The following PEX2 variants were observed in gnomAD, a reference collection of about 807,000 sequenced individuals.
PEX2 encodes peroxisomal biogenesis factor 2.
Under a neutral mutation model 25.2 loss-of-function variants are expected in PEX2, and 19 were observed. The ratio of observed to expected loss-of-function variants is 0.75; its 90% CI spans 0.53 to 1.10. The LOEUF is 1.10. Ranked by LOEUF, PEX2 falls within the 50% of genes least tolerant of loss-of-function variation. The pLI is 0.00. For missense variants in PEX2, 347 were observed against 350.6 expected, an observed-to-expected ratio of 0.99 and a Z score of 0.08; for synonymous variants, 141 against 127.7, an observed-to-expected ratio of 1.10 and a Z score of -0.70.
At chr8:76,993,229 A>C (rs1037976458) in intron 1 of PEX2, among the ~76,000 whole-genome samples, 1 of 152,210 alleles carries the variant, frequency 6.6e-6, no homozygotes, top group Non-Finnish European at 1.5e-5. Flanking sequence ...ATTGAAGAGA[A>C]GAGACATAAT....
At chr8:76,988,254 A>G (rs1807062631) in intron 2 of PEX2, 53 bp downstream of exon 2, 1 of 152,206 alleles carries the variant, frequency 6.6e-6, no homozygotes, top group African/African-American at 2.4e-5. Context: ...CCTCTAGTCT[A>G]GTGGTTTTCA....
At chr8:76,984,751 A>G (rs1337021605) in intron 3 of PEX2, among the ~76,000 whole-genome samples, 1 of 152,182 alleles carries the variant, frequency 6.6e-6, no homozygotes, top group Non-Finnish European at 1.5e-5. Flanking sequence ...ATATGTGTAA[A>G]GGAAGTTAAA....
At chr8:77,000,896 G>T (rs1586082690), upstream of PEX2, 1 of 152,280 alleles carries the variant, frequency 6.6e-6, no homozygotes, top group African/African-American at 2.4e-5. Context: ...GCAGTGACAT[G>T]TAGCCGTTGA....
intron 1 of PEX2, among the ~76,000 whole-genome samples, chr8:76,992,551 A>T (rs1319020099): frequency 6.6e-6 from 1 of 152,214 alleles, no homozygotes; most frequent in Non-Finnish European, 1.5e-5. Flanking sequence ...CAATTAACCC[A>T]ATTATGGAAT....
chr8:76,997,730 T>C (rs1194113152), intron 1 of PEX2, among the ~76,000 whole-genome samples: 4 of 152,206 alleles, frequency 2.6e-5, no homozygotes, highest in African/African-American at 7.2e-5. Flanking sequence ...AAAGAAAATA[T>C]ATTAAATTGA....
At chr8:76,996,038 A>G (rs374897382) in intron 1 of PEX2, among the ~76,000 whole-genome samples, 2 of 152,218 alleles carry the variant, frequency 1.3e-5, no homozygotes, top group African/African-American at 2.4e-5. Flanking sequence ...ATTGCAAAAG[A>G]GCAATACAGG....
chr8:76,991,633 ACTT>A (rs1243223602), intron 1 of PEX2, among the ~76,000 whole-genome samples: 3 of 152,190 alleles, frequency 2.0e-5, no homozygotes, highest in African/African-American at 7.2e-5. Flanking sequence ...AAAGTGGAAT[ACTT>A]CTCCCATGCT....
At chr8:77,000,117 C>CA, upstream of PEX2, 1 of 361,476 alleles carries the variant, frequency 2.8e-6, no homozygotes, top group Non-Finnish European at 5.4e-6. Flanking sequence ...CGGAGCGACG[C>CA]AGGAGCCGGA....
intron 1 of PEX2, among the ~76,000 whole-genome samples, chr8:76,989,964 G>C (rs935482701): frequency 2.6e-5 from 4 of 152,198 alleles, no homozygotes; most frequent in Non-Finnish European, 5.9e-5. Context: ...CTAGCTATCA[G>C]TGTTACATGG....
chr8:76,994,008 G>A (rs16939393), intron 1 of PEX2, among the ~76,000 whole-genome samples: 27 of 152,136 alleles, frequency 1.8e-4, no homozygotes, highest in African/African-American at 6.3e-4. Context: ...GCATCTACTA[G>A]GGTTCGTGTG....
At chr8:76,989,164 G>C (rs1807090746) in intron 1 of PEX2, among the ~76,000 whole-genome samples, 1 of 151,334 alleles carries the variant, frequency 6.6e-6, no homozygotes. Context: ...GAGTGCCAGA[G>C]CATGACCTTC....
At chr8:76,986,883 C>T (rs187015251) in intron 2 of PEX2, among the ~76,000 whole-genome samples, 25 of 152,188 alleles carry the variant, frequency 1.6e-4, no homozygotes, top group African/African-American at 6.0e-4. Flanking sequence ...ATTATTTGAG[C>T]CTTATCACAG....
At chr8:76,990,009 G>T (rs1042737267) in intron 1 of PEX2, among the ~76,000 whole-genome samples, 3 of 152,134 alleles carry the variant, frequency 2.0e-5, no homozygotes, top group African/African-American at 4.8e-5. Context: ...TGTCTATCTT[G>T]AAAATATATT....
chr8:76,983,175 G>A lies in PEX2; in HGVS notation c.*86C>T. On this transcript the variant is annotated 3_prime_UTR_variant, in exon 4 of 4. Transcript: ENST00000357039. Reference sequence around the variant, plus strand: ...GGCTAGGAGCACATTCCTTATAAAGGATACATAAATGGTATACTTAGGATG... The same window carrying A: ...GGCTAGGAGCACATTCCTTATAAAGAATACATAAATGGTATACTTAGGATG... 1 of 1,596,910 alleles carries A rather than the reference G, an allele frequency of 6.3e-7. No individual in the cohort carries two copies. The highest frequency in any genetic ancestry group is 8.5e-7 in the Non-Finnish European group (1 of 1,178,628).
At chr8:76,994,205 CCTTTT>C (rs539332539) in intron 1 of PEX2, among the ~76,000 whole-genome samples, 71 of 152,074 alleles carry the variant, frequency 4.7e-4, no homozygotes, top group Non-Finnish European at 9.1e-4. Context: ...CTCATGCTTT[CCTTTT>C]ATGTTTTTCA....
At chr8:76,990,313 C>G (rs1807131171) in intron 1 of PEX2, among the ~76,000 whole-genome samples, 1 of 152,168 alleles carries the variant, frequency 6.6e-6, no homozygotes, top group South Asian at 2.1e-4. Context: ...TGTCCCACAT[C>G]ATCAGCAATA....
At chr8:76,986,059 G>A (rs1205519649) in intron 3 of PEX2, 128 bp downstream of exon 3, 1 of 152,152 alleles carries the variant, frequency 6.6e-6, no homozygotes, top group African/African-American at 2.4e-5. Context: ...TGTTTAACAA[G>A]TTCAAGTCCA....
chr8:76,984,019 G>C lies in PEX2; in HGVS notation c.160C>G (p.Pro54Ala). ...ACCCATAAGCACGCTTTCACCTCTGGCTCAAAGCGAGCTAACAGCCCAGGT... is the reference window on the plus strand; with the variant it reads ...ACCCATAAGCACGCTTTCACCTCTGCCTCAAAGCGAGCTAACAGCCCAGGT... ...FKPGLLARFE[P>A]EVKACLWVFL... is the part of the protein sequence containing the mutation. Residue 54 changes from proline to alanine, a missense_variant, in exon 4 of 4, where the codon CCA (proline) becomes GCA (alanine). Transcript: ENST00000357039. 3 of 1,613,644 alleles carry C rather than the reference G, an allele frequency of 1.9e-6. No individual in the cohort carries two copies. The highest frequency in any genetic ancestry group is 2.5e-6 in the Non-Finnish European group (3 of 1,179,694).
At position 76,983,297 on chromosome 8, in the gene PEX2, T is replaced by C. The variant is rs1244697838; in HGVS notation, c.882A>G (p.Lys294=). ...GTEVHSLQPL[K]SGIEMSEVNA... ...TTACTTCTGACATCTCGATTCCTGA[T>C]TTCAGTGGCTGCAGACTGTGTACTT... Residue 294 remains lysine, a synonymous_variant, in exon 4 of 4, where the codon AAA becomes AAG. Coordinates refer to ENST00000357039, the MANE Select transcript of PEX2 (RefSeq NM_000318.3). 1.9e-6 allele frequency: 3 copies of C among 1,613,798 alleles called. No homozygotes were observed. Among genetic ancestry groups the C allele is most frequent in the African/African-American group, 2.7e-5 (2 of 74,944 alleles).
Sources: allele counts gnomAD v4.1 joint callset (sites outside exome capture counted in the v4.1 genomes callset), GRCh38; gene constraint gnomAD v4.1.1; transcripts MANE v1.5; gene names NCBI Gene and HGNC (gene_info 2026-07-23, HGNC 2026-07-21).